The following CORIN variants were observed in gnomAD, a reference collection of about 807,000 sequenced individuals.
CORIN encodes the protein atrial natriuretic peptide-converting enzyme.
In CORIN, 117 loss-of-function variants were observed where a neutral mutation model predicts 125.3. The observed-to-expected ratio is 0.93, with a 90% CI of 0.80 to 1.09. The LOEUF is 1.09. Ranked by LOEUF, CORIN falls within the 50% of genes least tolerant of loss-of-function variation. The pLI, the probability that CORIN is intolerant of heterozygous loss-of-function variation, is 0.00. For missense variants in CORIN, 1,253 were observed against 1,306.7 expected, an observed-to-expected ratio of 0.96 and a Z score of 0.63; for synonymous variants, 450 against 466.4, an observed-to-expected ratio of 0.96 and a Z score of 0.45.
At chr4:47,705,096 TTAAGG>T (rs1726488873) in intron 5 of CORIN, among the ~76,000 whole-genome samples, 1 of 152,224 alleles carries the variant, frequency 6.6e-6, no homozygotes, top group Non-Finnish European at 1.5e-5. Flanking sequence ...CAATGATTAC[TTAAGG>T]TAAGTGAAAG....
chr4:47,639,163 C>CA (rs1723142127), intron 16 of CORIN, among the ~76,000 whole-genome samples: 5 of 151,528 alleles, frequency 3.3e-5, no homozygotes, highest in Non-Finnish European at 5.9e-5. Flanking sequence ...ATACACACTA[C>CA]AATGCCGTTC....
At position 47,643,216 on chromosome 4, in the gene CORIN, C is replaced by T. The variant is rs533183306; in HGVS notation, c.1998G>A (p.Ala666=). ...CACACCACAGGTCACGTGACACACACGCATGGTTTGCACATTCCAGCTCAT... is the reference window on the plus strand; with the variant it reads ...CACACCACAGGTCACGTGACACACATGCATGGTTTGCACATTCCAGCTCAT... ...QDDELECANH[A]CVSRDLWCDG... Residue 666 remains alanine, a synonymous_variant, in exon 15 of 22, where the codon GCG becomes GCA. Coordinates refer to ENST00000273857, the MANE Select transcript of CORIN (RefSeq NM_006587.4). 29 of 1,613,590 alleles carry T rather than the reference C, an allele frequency of 1.8e-5. No individual in the cohort carries two copies. In the East Asian group the frequency reaches 2.2e-4, roughly 12 times the overall value.
intron 12 of CORIN, among the ~76,000 whole-genome samples, chr4:47,657,530 G>A (rs1391540888): frequency 8.3e-6 from 1 of 120,452 alleles, no homozygotes; most frequent in African/African-American, 3.1e-5. Context: ...GCGAAACTCC[G>A]TCTCCAAAAA....
intron 3 of CORIN, among the ~76,000 whole-genome samples, chr4:47,771,554 G>C (rs1730030584): frequency 6.6e-6 from 1 of 152,048 alleles, no homozygotes. Flanking sequence ...ATTAAGCCTA[G>C]TACCCATTAG....
intron 19 of CORIN, among the ~76,000 whole-genome samples, chr4:47,605,544 G>A (rs531035147): frequency 2.0e-5 from 3 of 152,092 alleles, no homozygotes; most frequent in Admixed American, 2.0e-4. Flanking sequence ...AGCTTTAATT[G>A]TGGGCATTTC....
intron 6 of CORIN, among the ~76,000 whole-genome samples, chr4:47,686,185 A>C (rs991074370): frequency 5.9e-5 from 9 of 151,780 alleles, no homozygotes; most frequent in South Asian, 2.1e-4. Context: ...TAAAAAAAAA[A>C]CAACTTAAAG....
intron 11 of CORIN, among the ~76,000 whole-genome samples, chr4:47,662,188 T>C (rs975497250): frequency 1.3e-5 from 2 of 152,202 alleles, no homozygotes; most frequent in Non-Finnish European, 1.5e-5. Context: ...TCCAACCTTT[T>C]GTTCCAAACA....
intron 3 of CORIN, among the ~76,000 whole-genome samples, chr4:47,774,079 T>C (rs1730179723): frequency 6.6e-6 from 1 of 152,202 alleles, no homozygotes; most frequent in Non-Finnish European, 1.5e-5. Flanking sequence ...TGGTGATTAA[T>C]TGTTCCTTAA....
chr4:47,668,661 T>G (rs1352197988), intron 10 of CORIN, among the ~76,000 whole-genome samples: 1 of 152,214 alleles, frequency 6.6e-6, no homozygotes, highest in South Asian at 2.1e-4. Context: ...AGGTTCAACT[T>G]TTTATTGATG....
At chr4:47,786,703 C>T (rs1293283024) in intron 3 of CORIN, 22 bp downstream of exon 3, 4 of 1,594,656 alleles carry the variant, frequency 2.5e-6, no homozygotes, top group South Asian at 1.1e-5. Flanking sequence ...AAGCCTCTAG[C>T]ATGTATCACC....
intron 19 of CORIN, among the ~76,000 whole-genome samples, chr4:47,621,492 TA>T (rs1405730703): frequency 6.6e-6 from 1 of 152,210 alleles, no homozygotes; most frequent in African/African-American, 2.4e-5. Flanking sequence ...GTGAGCATAA[TA>T]AATGTCTGAG....
rs1213488467 is a variant in CORIN at position 47,631,000 on chromosome 4, C to T, written c.2199-4479G>A. Among the ~76,000 whole-genome samples the T allele has an allele frequency of 2.6e-5, 4 of 152,140 alleles. No homozygotes were observed. In the East Asian group the frequency reaches 7.7e-4, roughly 29 times the overall value. ...CTCCTTGGCTAACAGAGTCCTTACC[C>T]CATGGGGTGAGCTAGAGGAGGAGGG... On this transcript the variant is annotated intron_variant, in intron 16 of 21. Transcript: ENST00000273857.
At chr4:47,757,867 CATATATATATGTATATATATATAT>C (rs964061541) in intron 4 of CORIN, among the ~76,000 whole-genome samples, 5 of 91,746 alleles carry the variant, frequency 5.4e-5, no homozygotes, top group Non-Finnish European at 2.2e-5. Flanking sequence ...CATATATATA[CATATATATATGTATATATATATAT>C]ATATATATAT....
intron 5 of CORIN, among the ~76,000 whole-genome samples, chr4:47,713,875 G>T (rs1360219191): frequency 5.9e-5 from 9 of 151,954 alleles, no homozygotes; most frequent in Admixed American, 5.9e-4. Flanking sequence ...CATCTATTTA[G>T]ATCATAACCA....
At chr4:47,603,164 C>T (rs763446967) in intron 20 of CORIN, among the ~76,000 whole-genome samples, 3 of 152,080 alleles carry the variant, frequency 2.0e-5, no homozygotes, top group Non-Finnish European at 2.9e-5. Flanking sequence ...TGAGTTCTCA[C>T]GAGGTCTGAT....
Position 47,653,559 on chromosome 4 carries a change from T to A in CORIN, c.1837A>T (p.Asn613Tyr), listed in dbSNP as rs143393458. The A allele has an allele frequency of 3.5e-5, 57 of 1,612,798 alleles. No individual in the cohort carries two copies. Among genetic ancestry groups the A allele is most frequent in the Non-Finnish European group, 4.8e-5 (56 of 1,178,888 alleles). Residue 613 changes from asparagine to tyrosine, a missense_variant, in exon 13 of 22, where the codon AAC becomes TAC. Asn to Tyr is a moderately radical substitution (Grantham distance 143, BLOSUM62 -2). Transcript: ENST00000273857. Reference sequence around the variant, plus strand: ...TACCATTGCACATACATACCACAGTTTTCCTCATCACTGTCATCGTCACAG... The same window carrying A: ...TACCATTGCACATACATACCACAGTATTCCTCATCACTGTCATCGTCACAG... Reference protein sequence around the residue: ...ADCDDDSDEENCGCKERDLWE... With the variant: ...ADCDDDSDEEYCGCKERDLWE...
At chr4:47,662,091 T>C (rs921482668) in intron 11 of CORIN, among the ~76,000 whole-genome samples, 1 of 152,198 alleles carries the variant, frequency 6.6e-6, no homozygotes. Context: ...ATTGCAGAAA[T>C]AGGTCTAAAG....
intron 5 of CORIN, among the ~76,000 whole-genome samples, chr4:47,707,439 C>A (rs1407002981): frequency 6.6e-6 from 1 of 152,022 alleles, no homozygotes; most frequent in Non-Finnish European, 1.5e-5. Flanking sequence ...AAAATATTTC[C>A]CAGCTGAAAT....
intron 14 of CORIN, among the ~76,000 whole-genome samples, chr4:47,644,448 AT>A (rs1374537180): frequency 5.3e-5 from 8 of 152,160 alleles, no homozygotes; most frequent in Non-Finnish European, 2.9e-5. Context: ...TAAAAGATAA[AT>A]GTCTTCATTA....
Sources: gnomAD v4.1 joint callset for allele counts (sites outside exome capture counted in the v4.1 genomes callset) on GRCh38, gnomAD v4.1.1 for gene constraint, MANE v1.5 for transcripts, NCBI Gene and HGNC (gene_info 2026-07-23, HGNC 2026-07-21) for gene names.